PACS1: variants seen among roughly 807,000 people sequenced by gnomAD.
The protein encoded by PACS1 is phosphofurin acidic cluster sorting protein 1, also known as PACS-1.
A neutral mutation model predicts 115.0 loss-of-function variants in PACS1; 24 were observed. The observed-to-expected ratio is 0.21, with a 90% confidence interval of 0.15 to 0.29. The LOEUF (loss-of-function observed/expected upper bound fraction) is 0.29, where lower values mean the gene tolerates loss of function less well. Among genes scored for constraint, PACS1 ranks in the 10% least tolerant of loss-of-function variants. The pLI, the probability that PACS1 is intolerant of heterozygous loss-of-function variation, is 1.00. For synonymous variants in PACS1, 453 were observed against 504.5 expected, an observed-to-expected ratio of 0.90 and a Z score of 1.37; for missense variants, 838 against 1,251.2, an observed-to-expected ratio of 0.67 and a Z score of 4.98.
Position 66,243,528 on chromosome 11 carries a change from T to G in PACS1, c.*248T>G. 1.9e-6 allele frequency: 1 copy of G among 519,210 alleles called. No individual in the cohort carries two copies. Among genetic ancestry groups the G allele is most frequent in the East Asian group, 3.3e-5 (1 of 30,582 alleles). 32.2% of individuals were successfully genotyped at this position (519,210 alleles called of 1,614,324 possible). A position where few individuals can be genotyped will look rare whatever the true frequency, so the allele number is the denominator to read the frequency against. On this transcript the variant is annotated 3_prime_UTR_variant, in exon 24 of 24. Transcript: ENST00000320580. ...TCCCTCCTGCTCCAGGCCCAAGGCG[T>G]GTTGGTTTTGCCTTCTGGTGCCCAT...
intron 14 of PACS1, 147 bp from the exon 15 acceptor site, chr11:66,232,813 A>T: frequency 1.5e-6 from 1 of 658,408 alleles, no homozygotes; most frequent in Non-Finnish European, 2.7e-6. Flanking sequence ...GGCAGTCCGG[A>T]GACCTGGCTG....
At position 66,241,479 on chromosome 11, in the gene PACS1, C is replaced by T. The variant is rs1855813277; in HGVS notation, c.2482C>T (p.Leu828=). ...DVIGLQVDYW[L]GHPGERRREG... Reference sequence around the variant, plus strand: ...GATTGGCCTCCAGGTGGACTACTGGCTGGGCCACCCCGGGGAGCGGAGGAG... The same window carrying T: ...GATTGGCCTCCAGGTGGACTACTGGTTGGGCCACCCCGGGGAGCGGAGGAG... The change falls in exon 22 of 24, where the codon CTG becomes TTG. Residue 828 remains leucine (L), a synonymous_variant. Coordinates refer to ENST00000320580, the MANE Select transcript of PACS1 (RefSeq NM_018026.4). The T allele has an allele frequency of 1.2e-6, 2 of 1,611,738 alleles. No individual in the cohort carries two copies. Among genetic ancestry groups the T allele is most frequent in the African/African-American group, 1.3e-5 (1 of 74,934 alleles).
rs537612970 is a variant in PACS1, at chr11:66,222,943, A to G, written c.1293+1696A>G. The stretch of plus-strand genomic sequence containing the variant: ...CAATGCATGGGAAACTGCAGCCCAA[A>G]CAGACTCCTCCCTGGGAGAAACCCC... On this transcript the variant is annotated intron_variant, in intron 10 of 23. Transcript: ENST00000320580. 7.3e-5 allele frequency among the ~76,000 whole-genome samples: 11 copies of G among 151,702 alleles called. No individual in the cohort carries two copies. In the South Asian group the frequency reaches 1.7e-3, roughly 23 times the overall value.
intron 1 of PACS1, among the ~76,000 whole-genome samples, chr11:66,090,844 C>A (rs902772737): frequency 3.3e-5 from 5 of 152,086 alleles, no homozygotes. Context: ...CACGATAACC[C>A]TGACTTTCCA....
intron 10 of PACS1, among the ~76,000 whole-genome samples, chr11:66,223,284 G>A (rs1855397858): frequency 6.6e-6 from 1 of 151,954 alleles, no homozygotes; most frequent in South Asian, 2.1e-4. Flanking sequence ...AGTAGAGATG[G>A]GGTTTCTCCA....
chr11:66,141,757 C>A (rs1298142158), intron 1 of PACS1, among the ~76,000 whole-genome samples: 1 of 151,934 alleles, frequency 6.6e-6, no homozygotes, highest in African/African-American at 2.4e-5. Context: ...TGTGCCACCA[C>A]ACCTAGCTAT....
chr11:66,071,610 C>T (rs1397280072), intron 1 of PACS1, among the ~76,000 whole-genome samples: 1 of 152,236 alleles, frequency 6.6e-6, no homozygotes, highest in Admixed American at 6.5e-5. Flanking sequence ...GGCAGTCTGT[C>T]TCCAACTCTG....
chr11:66,219,072 G>C (rs1213215146), intron 7 of PACS1, among the ~76,000 whole-genome samples: 1 of 152,058 alleles, frequency 6.6e-6, no homozygotes, highest in African/African-American at 2.4e-5. Context: ...AGGGTAGCAT[G>C]AGCAGGTTTG....
chr11:66,173,077 G>T (rs1159103760), intron 1 of PACS1, among the ~76,000 whole-genome samples: 2 of 148,424 alleles, frequency 1.3e-5, no homozygotes, highest in Non-Finnish European at 3.0e-5. Context: ...ATCTTAAAAT[G>T]TTTTTTGATT....
rs774951789 is a variant in PACS1, at chr11:66,221,178, G to C, written c.1224G>C (p.Gln408His). ...GGCCTTTCTTTGAGGGGATGTCGCAGTCCAGCTCCCAGACGGAGATTGGCA... is the reference window on the plus strand; with the variant it reads ...GGCCTTTCTTTGAGGGGATGTCGCACTCCAGCTCCCAGACGGAGATTGGCA... ...KLKPFFEGMSQSSSQTEIGSL... is the reference protein window; with the variant it reads ...KLKPFFEGMSHSSSQTEIGSL... The change falls in exon 10 of 24, where the codon CAG becomes CAC. Residue 408 changes from glutamine to histidine, a missense_variant. Transcript: ENST00000320580. 5.6e-6 allele frequency: 9 copies of C among 1,614,086 alleles called. No individual in the cohort carries two copies. Among genetic ancestry groups the C allele is most frequent in the Non-Finnish European group, 7.6e-6 (9 of 1,180,044 alleles).
chr11:66,198,787 T>A (rs79610859), intron 2 of PACS1, among the ~76,000 whole-genome samples: 13 of 152,196 alleles, frequency 8.5e-5, no homozygotes, highest in Admixed American at 3.9e-4. Flanking sequence ...GTAATTTTTT[T>A]AAAAAACTAT....
intron 4 of PACS1, among the ~76,000 whole-genome samples, chr11:66,213,338 T>C (rs1232880172): frequency 6.6e-6 from 1 of 152,234 alleles, no homozygotes; most frequent in African/African-American, 2.4e-5. Flanking sequence ...TTTGAGTCCT[T>C]AGTAATATGT....
intron 1 of PACS1, among the ~76,000 whole-genome samples, chr11:66,177,825 G>T (rs1859906469): frequency 6.6e-6 from 1 of 152,048 alleles, no homozygotes; most frequent in Non-Finnish European, 1.5e-5. Context: ...TGCTGTCCAG[G>T]CTGCAGTAAG....
chr11:66,241,786 AG>A (rs1240111662), intron 22 of PACS1, 133 bp downstream of exon 22: 1 of 699,458 alleles, frequency 1.4e-6, no homozygotes, highest in African/African-American at 1.8e-5. Flanking sequence ...TGGGGTGCAG[AG>A]GGGGCAGTCC....
chr11:66,224,168 C>G (rs965571901), intron 10 of PACS1, among the ~76,000 whole-genome samples: 8 of 145,772 alleles, frequency 5.5e-5, no homozygotes, highest in Non-Finnish European at 1.0e-4. Context: ...TGCACTCCAG[C>G]CTGGGTAACA....
chr11:66,152,866 A>AC (rs1221192363), intron 1 of PACS1, among the ~76,000 whole-genome samples: 3 of 152,044 alleles, frequency 2.0e-5, no homozygotes, highest in Admixed American at 1.3e-4. Context: ...TGAGAGAAAA[A>AC]CCCTGTCAAC....
chr11:66,147,525 AC>A (rs1287213923), intron 1 of PACS1, among the ~76,000 whole-genome samples: 1 of 152,200 alleles, frequency 6.6e-6, no homozygotes, highest in East Asian at 1.9e-4. Flanking sequence ...AACAATGGAA[AC>A]TTGAGTCAAT....
intron 8 of PACS1, 129 bp downstream of exon 8, chr11:66,219,934 C>A: frequency 1.3e-6 from 1 of 768,858 alleles, no homozygotes. Flanking sequence ...CTCCCCGTGG[C>A]ATACCTGGTA....
intron 1 of PACS1, among the ~76,000 whole-genome samples, chr11:66,141,162 C>A (rs1016464012): frequency 6.6e-6 from 1 of 152,034 alleles, no homozygotes; most frequent in African/African-American, 2.4e-5. Flanking sequence ...TTTTATGTAT[C>A]TTGAACTTTT....
Sources: gnomAD v4.1 joint callset for allele counts (sites outside exome capture counted in the v4.1 genomes callset) on GRCh38, gnomAD v4.1.1 for gene constraint, MANE v1.5 for transcripts, NCBI Gene and HGNC (gene_info 2026-07-23, HGNC 2026-07-21) for gene names.